Variants in FNIP1 observed in about 807,000 individuals in gnomAD.
The protein encoded by FNIP1 is folliculin-interacting protein 1.
In FNIP1, 40 loss-of-function variants were observed where a neutral mutation model predicts 124.5. That is an observed-to-expected ratio of 0.32 (90% CI 0.25 to 0.42). The LOEUF is 0.42. Among genes scored for constraint, FNIP1 ranks in the 10% least tolerant of loss-of-function variants. FNIP1 has a pLI of 1.00. For synonymous variants in FNIP1, 472 were observed against 470.6 expected (o/e 1.00, Z -0.04); for missense variants, 1,176 against 1,403.7 (o/e 0.84, Z 2.59).
At chr5:131,755,284 G>T (rs1207586898) in intron 1 of FNIP1, among the ~76,000 whole-genome samples, 4 of 152,064 alleles carry the variant, frequency 2.6e-5, no homozygotes, top group African/African-American at 9.7e-5. Flanking sequence ...AGCCGGGCAT[G>T]ATGGTGGGCG....
At chr5:131,739,955 A>G (rs1770459576) in intron 2 of FNIP1, among the ~76,000 whole-genome samples, 1 of 151,604 alleles carries the variant, frequency 6.6e-6, no homozygotes, top group South Asian at 2.1e-4. Flanking sequence ...TTTCCATTTG[A>G]ACTTTAGAAT....
intron 6 of FNIP1, among the ~76,000 whole-genome samples, chr5:131,712,347 A>G (rs1485492800): frequency 6.6e-6 from 1 of 151,996 alleles, no homozygotes; most frequent in African/African-American, 2.4e-5. Flanking sequence ...CTCTTCTACC[A>G]CCCTCCATAT....
chr5:131,677,876 A>G lies in FNIP1; in HGVS notation c.1350-4T>C, dbSNP rs753737606. Reference sequence around the variant, plus strand: ...AGTAATGAGAGCTGGCAAGAATCTGAAAACAAAATACATCTGATCAGATTC... The same window carrying G: ...AGTAATGAGAGCTGGCAAGAATCTGGAAACAAAATACATCTGATCAGATTC... On this transcript the variant is annotated splice_region_variant and splice_polypyrimidine_tract_variant and intron_variant, in intron 12 of 17. Coordinates refer to ENST00000510461, the MANE Select transcript of FNIP1 (RefSeq NM_133372.3). 42 of 1,612,824 alleles carry G rather than the reference A, an allele frequency of 2.6e-5. No individual in the cohort carries two copies. The South Asian group carries it at 4.2e-4, about 16-fold the overall frequency.
chr5:131,673,027 AGTTT>A, intron 13 of FNIP1, 103 bp from the exon 14 acceptor site: 1 of 798,736 alleles, frequency 1.3e-6, no homozygotes, highest in Non-Finnish European at 1.9e-6. Context: ...TATGAGTAAT[AGTTT>A]AGGTTTTACT....
intron 3 of FNIP1, among the ~76,000 whole-genome samples, chr5:131,727,472 C>G (rs919551818): frequency 6.6e-6 from 1 of 152,034 alleles, no homozygotes; most frequent in Non-Finnish European, 1.5e-5. Flanking sequence ...GGTTTAAAGT[C>G]TGTTTTATCA....
At chr5:131,699,188 T>C (rs1186097746) in intron 10 of FNIP1, among the ~76,000 whole-genome samples, 186 bp from the exon 11 acceptor site, 4 of 152,204 alleles carry the variant, frequency 2.6e-5, no homozygotes, top group East Asian at 3.8e-4. Context: ...AATTAATGAA[T>C]GGTTGAACAA....
rs574165520 is a variant in FNIP1 at position 131,752,150 on chromosome 5, TCTC to T, written c.93-7463_93-7461del. Among the ~76,000 whole-genome samples the T allele has an allele frequency of 4.6e-3, 702 of 152,204 alleles. 8 individuals carry two copies. Among genetic ancestry groups the T allele is most frequent in the African/African-American group, 0.016 (662 of 41,526 alleles). On this transcript the variant is annotated intron_variant, in intron 1 of 17. Transcript: ENST00000510461. Reference sequence around the variant, plus strand: ...GCTCCGCCTCTCCGGTTCGCGCCATTCTCCTGCCTCAGCCTCCCGAGTAGCTGG... The same window carrying T: ...GCTCCGCCTCTCCGGTTCGCGCCATTCTGCCTCAGCCTCCCGAGTAGCTGG...
chr5:131,648,463 G>C (rs1172209623), intron 16 of FNIP1, among the ~76,000 whole-genome samples: 1 of 152,076 alleles, frequency 6.6e-6, no homozygotes, highest in Non-Finnish European at 1.5e-5. Context: ...TTCATACAGA[G>C]TGTTCCTTTC....
At chr5:131,796,039 C>T (rs1772577116) in intron 1 of FNIP1, 1 of 152,142 alleles carries the variant, frequency 6.6e-6, no homozygotes, top group South Asian at 2.1e-4. Context: ...AGTTACTCTG[C>T]CAGCAACAGG....
intron 3 of FNIP1, among the ~76,000 whole-genome samples, chr5:131,727,172 T>C (rs1479848553): frequency 6.6e-6 from 1 of 152,196 alleles, no homozygotes; most frequent in Admixed American, 6.6e-5. Context: ...GTCTGCTTGG[T>C]CCAGAGCTGA....
chr5:131,677,678 G>A, intron 13 of FNIP1, 25 bp downstream of exon 13: 2 of 1,603,386 alleles, frequency 1.2e-6, no homozygotes, highest in South Asian at 2.2e-5. Flanking sequence ...CTAATACATA[G>A]TGTAACAGTT....
intron 15 of FNIP1, among the ~76,000 whole-genome samples, chr5:131,668,832 A>G (rs1767672522): frequency 6.6e-6 from 1 of 152,252 alleles, no homozygotes; most frequent in Non-Finnish European, 1.5e-5. Context: ...TTGTGTTCTA[A>G]TAAAACTTCA....
At chr5:131,701,390 C>A (rs1324730943) in intron 10 of FNIP1, among the ~76,000 whole-genome samples, 1 of 152,138 alleles carries the variant, frequency 6.6e-6, no homozygotes, top group Non-Finnish European at 1.5e-5. Flanking sequence ...AAGTTTTATA[C>A]AAAGTTTGAA....
chr5:131,657,665 G>A (rs1356623559), intron 15 of FNIP1, among the ~76,000 whole-genome samples: 2 of 136,288 alleles, frequency 1.5e-5, no homozygotes, highest in Non-Finnish European at 3.1e-5. Context: ...AGAAAACTGT[G>A]TCCAGATGTT....
chr5:131,789,062 A>G (rs1772313087), intron 1 of FNIP1, among the ~76,000 whole-genome samples: 1 of 152,252 alleles, frequency 6.6e-6, no homozygotes, highest in East Asian at 1.9e-4. Context: ...TCGTATATAT[A>G]CACAATGGAA....
Position 131,647,145 on chromosome 5 carries a change from C to T in FNIP1, c.3367G>A (p.Glu1123Lys). Residue 1123 changes from glutamate (E) to lysine (K), a missense_variant, in exon 17 of 18, where the codon GAA becomes AAA. Coordinates refer to ENST00000510461, the MANE Select transcript of FNIP1 (RefSeq NM_133372.3). Reference sequence around the variant, plus strand: ...ACACGCATCTGCCCCCTCAGGTATTCAGACAGCATTTTACTTTTGAAGTAT... The same window carrying T: ...ACACGCATCTGCCCCCTCAGGTATTTAGACAGCATTTTACTTTTGAAGTAT... ...ELYFKSKMLS[E>K]YLRGQMRVHV... is the part of the protein sequence containing the mutation. The T allele has an allele frequency of 6.2e-7, 1 of 1,614,144 alleles. No homozygotes were observed. The highest frequency in any genetic ancestry group is 8.5e-7 in the Non-Finnish European group (1 of 1,180,000).
chr5:131,725,368 T>C (rs1296536000), intron 3 of FNIP1, among the ~76,000 whole-genome samples: 2 of 152,176 alleles, frequency 1.3e-5, no homozygotes, highest in Non-Finnish European at 2.9e-5. Flanking sequence ...GTATCCTCTC[T>C]TTTTCCTTGA....
At chr5:131,677,534 T>A in intron 13 of FNIP1, 169 bp downstream of exon 13, 1 of 587,494 alleles carries the variant, frequency 1.7e-6, no homozygotes, top group East Asian at 2.8e-5. Context: ...ATTTCAGGTC[T>A]AAGACGAGGA....
At chr5:131,767,077 G>C (rs181181991) in intron 1 of FNIP1, among the ~76,000 whole-genome samples, 1 of 152,058 alleles carries the variant, frequency 6.6e-6, no homozygotes, top group East Asian at 1.9e-4. Flanking sequence ...TAACCACTAC[G>C]GCTTATATCA....
Sources: gnomAD v4.1 joint callset for allele counts (sites outside exome capture counted in the v4.1 genomes callset) on GRCh38, gnomAD v4.1.1 for gene constraint, MANE v1.5 for transcripts, NCBI Gene and HGNC (gene_info 2026-07-23, HGNC 2026-07-21) for gene names.